YAP1: variants seen among roughly 807,000 people sequenced by gnomAD.
YAP1 encodes the protein Yes1 associated transcriptional regulator.
A neutral mutation model predicts 56.9 loss-of-function variants in YAP1; 5 were observed. The ratio of observed to expected loss-of-function variants is 0.09; its 90% CI spans 0.05 to 0.18. The LOEUF is 0.18. Among genes scored for constraint, YAP1 ranks in the 10% least tolerant of loss-of-function variants. The pLI, the probability that YAP1 is intolerant of heterozygous loss-of-function variation, is 1.00. For synonymous variants in YAP1, 265 were observed against 248.1 expected, an observed-to-expected ratio of 1.07 and a Z score of -0.64; for missense variants, 539 against 651.8, an observed-to-expected ratio of 0.83 and a Z score of 1.88.
chr11:102,140,593 C>G (rs1480387035), intron 2 of YAP1, among the ~76,000 whole-genome samples: 1 of 152,114 alleles, frequency 6.6e-6, no homozygotes, highest in Admixed American at 6.6e-5. Flanking sequence ...ACCTGTAATC[C>G]CAGCACTTTG....
chr11:102,151,042 C>T (rs562992253), intron 2 of YAP1, among the ~76,000 whole-genome samples: 1 of 151,874 alleles, frequency 6.6e-6, no homozygotes, highest in Non-Finnish European at 1.5e-5. Flanking sequence ...CCCGTGGTTG[C>T]TGGTCTCGAA....
intron 6 of YAP1, among the ~76,000 whole-genome samples, chr11:102,221,899 C>G (rs1203385099): frequency 1.1e-4 from 16 of 151,648 alleles, no homozygotes; most frequent in Non-Finnish European, 2.4e-4. Context: ...ACTAATGGTG[C>G]ATACTACATT....
intron 3 of YAP1, among the ~76,000 whole-genome samples, chr11:102,185,421 A>G (rs1947895120): frequency 6.6e-6 from 1 of 151,914 alleles, no homozygotes. Context: ...TCAAATTGCA[A>G]CCCCAACCCA....
chr11:102,212,982 T>G (rs1051534708), intron 6 of YAP1, among the ~76,000 whole-genome samples: 14 of 152,374 alleles, frequency 9.2e-5, no homozygotes, highest in African/African-American at 2.9e-4. Context: ...GTAAACATCT[T>G]TGCTTTGTGA....
In YAP1 at chr11:102,231,258, A is replaced by T. The variant is rs1415326450; in HGVS notation, c.*1318A>T. On this transcript the variant is annotated 3_prime_UTR_variant, in exon 9 of 9. Transcript: ENST00000282441. Reference sequence around the variant, plus strand: ...AATGTGCATGACAGAAATAAGCTTTATAGTGGTTTACCTTCATTTAGCTTT... The same window carrying T: ...AATGTGCATGACAGAAATAAGCTTTTTAGTGGTTTACCTTCATTTAGCTTT... 1 of 152,222 alleles carries T rather than the reference A, an allele frequency of 6.6e-6. No individual in the cohort carries two copies. Among genetic ancestry groups the T allele is most frequent in the East Asian group, 1.9e-4 (1 of 5,206 alleles). The allele number at this position is 152,222 out of a possible 1,614,324, so 9.4% of individuals were successfully genotyped here. A position where few individuals can be genotyped will look rare whatever the true frequency, so the allele number is the denominator to read the frequency against.
At chr11:102,175,763 C>T (rs756085105) in intron 3 of YAP1, among the ~76,000 whole-genome samples, 33 of 152,266 alleles carry the variant, frequency 2.2e-4, no homozygotes, top group Non-Finnish European at 4.3e-4. Flanking sequence ...TATATCTAAA[C>T]ATAGAAGAGG....
intron 6 of YAP1, among the ~76,000 whole-genome samples, chr11:102,220,845 T>A (rs185359962): frequency 3.3e-5 from 5 of 152,324 alleles, no homozygotes; most frequent in Non-Finnish European, 5.9e-5. Flanking sequence ...CAGTATCATT[T>A]CGGTGTAAAG....
intron 1 of YAP1, among the ~76,000 whole-genome samples, chr11:102,113,109 T>A (rs1190715219): frequency 6.6e-6 from 1 of 152,232 alleles, no homozygotes. Flanking sequence ...GGTGTATCAC[T>A]TTAAGGCATT....
chr11:102,195,681 T>G (rs1338141791), intron 4 of YAP1, among the ~76,000 whole-genome samples: 2 of 152,232 alleles, frequency 1.3e-5, no homozygotes, highest in African/African-American at 4.8e-5. Flanking sequence ...TGCTGCCATG[T>G]GAAGGAGTAC....
chr11:102,172,160 C>T (rs574805863), intron 3 of YAP1, among the ~76,000 whole-genome samples: 14 of 149,964 alleles, frequency 9.3e-5, no homozygotes, highest in Middle Eastern at 3.4e-3. Flanking sequence ...GTCACTGTAC[C>T]CCAGCCTGGG....
intron 2 of YAP1, among the ~76,000 whole-genome samples, chr11:102,156,631 T>C (rs1261629183): frequency 2.6e-5 from 4 of 152,232 alleles, no homozygotes; most frequent in Admixed American, 6.5e-5. Flanking sequence ...ACATCTGTTG[T>C]TTTCTATATC....
At chr11:102,167,463 A>G (rs2135422539) in intron 3 of YAP1, among the ~76,000 whole-genome samples, 1 of 152,338 alleles carries the variant, frequency 6.6e-6, no homozygotes, top group African/African-American at 2.4e-5. Context: ...AGCTGGGTGC[A>G]GTGGCTCATG....
intron 2 of YAP1, among the ~76,000 whole-genome samples, chr11:102,157,718 G>A (rs1447783718): frequency 6.6e-6 from 1 of 152,152 alleles, no homozygotes; most frequent in African/African-American, 2.4e-5. Context: ...AGGGAAGTGG[G>A]TGACTTGGTT....
intron 2 of YAP1, among the ~76,000 whole-genome samples, chr11:102,123,000 C>G (rs567497384): frequency 5.3e-5 from 8 of 151,122 alleles, no homozygotes; most frequent in Non-Finnish European, 1.0e-4. Flanking sequence ...TCCACTCCTT[C>G]TAGGTGTTTT....
chr11:102,141,942 G>T (rs1247379845), intron 2 of YAP1, among the ~76,000 whole-genome samples: 1 of 152,138 alleles, frequency 6.6e-6, no homozygotes, highest in African/African-American at 2.4e-5. Context: ...TATGTGATTC[G>T]TAAGAACTTT....
intron 4 of YAP1, among the ~76,000 whole-genome samples, chr11:102,188,579 T>C (rs1420656300): frequency 1.3e-5 from 2 of 152,206 alleles, no homozygotes; most frequent in Non-Finnish European, 2.9e-5. Context: ...ACTGTAACTT[T>C]TCTATGTTTA....
intron 2 of YAP1, among the ~76,000 whole-genome samples, chr11:102,128,770 T>A (rs964232090): frequency 1.3e-5 from 2 of 152,242 alleles, no homozygotes; most frequent in Non-Finnish European, 2.9e-5. Flanking sequence ...CCTGGAGATA[T>A]AATTTCTATT....
chr11:102,164,918 C>G (rs1160510444), intron 3 of YAP1, among the ~76,000 whole-genome samples: 2 of 152,184 alleles, frequency 1.3e-5, no homozygotes, highest in Non-Finnish European at 2.9e-5. Context: ...GAAGGGTTTT[C>G]TCCATGTTGG....
chr11:102,125,077 C>A (rs1413071751), intron 2 of YAP1, among the ~76,000 whole-genome samples: 1 of 151,362 alleles, frequency 6.6e-6, no homozygotes, highest in Non-Finnish European at 1.5e-5. Context: ...TCCTCTGTTG[C>A]CCAGGCTGGA....
Sources: allele counts gnomAD v4.1 joint callset (sites outside exome capture counted in the v4.1 genomes callset), GRCh38; gene constraint gnomAD v4.1.1; transcripts MANE v1.5; gene names NCBI Gene and HGNC (gene_info 2026-07-23, HGNC 2026-07-21).